CCDC171: variants seen among roughly 807,000 people sequenced by gnomAD.
CCDC171 encodes the protein coiled-coil domain-containing protein 171.
Under a neutral mutation model 168.2 loss-of-function variants are expected in CCDC171, and 177 were observed. The ratio of observed to expected loss-of-function variants is 1.05; its 90% CI spans 0.93 to 1.19. The LOEUF is 1.19. CCDC171 is among the 50% of genes most tolerant of loss of function. The pLI, the probability that CCDC171 is intolerant of heterozygous loss-of-function variation, is 0.00. For synonymous variants in CCDC171, 687 were observed against 540.8 expected, an observed-to-expected ratio of 1.27 and a Z score of -3.75; for missense variants, 1,991 against 1,539.0, an observed-to-expected ratio of 1.29 and a Z score of -4.91.
At chr9:15,654,604 A>T (rs1264073612) in intron 7 of CCDC171, among the ~76,000 whole-genome samples, 2 of 152,204 alleles carry the variant, frequency 1.3e-5, no homozygotes, top group African/African-American at 4.8e-5. Context: ...ACAAAAAGAA[A>T]TGGTGGGAGA....
intron 2 of CCDC171, among the ~76,000 whole-genome samples, chr9:15,565,086 CTTT>C (rs34584445): frequency 6.7e-4 from 80 of 119,850 alleles, no homozygotes; most frequent in East Asian, 2.1e-3. Context: ...CCACCCCCCA[CTTT>C]TTTTTTTTTT....
intron 3 of CCDC171, among the ~76,000 whole-genome samples, chr9:15,988,274 G>GT (rs149026175): frequency 0.023 from 3,439 of 152,194 alleles, 117 homozygotes; most frequent in African/African-American, 0.077. Flanking sequence ...ACTGTATTTT[G>GT]TTTTTTTAGA....
chr9:15,773,169 T>C (rs989571806), intron 18 of CCDC171, among the ~76,000 whole-genome samples: 2 of 152,174 alleles, frequency 1.3e-5, no homozygotes, highest in African/African-American at 2.4e-5. Flanking sequence ...TGCTCTCTCT[T>C]CCACATAATA....
the CCDC171 span, among the ~76,000 whole-genome samples, chr9:16,090,321 C>T: frequency 5.3e-5 from 8 of 151,752 alleles, no homozygotes; most frequent in East Asian, 1.6e-3. Flanking sequence ...AACACAGGAA[C>T]AGAAAAACAC....
chr9:15,700,274 G>A (rs960423532), intron 11 of CCDC171, among the ~76,000 whole-genome samples: 10 of 152,238 alleles, frequency 6.6e-5, no homozygotes, highest in Non-Finnish European at 1.3e-4. Flanking sequence ...CTCTGCAGCC[G>A]CTGGCCCGGG....
intron 5 of CCDC171, among the ~76,000 whole-genome samples, chr9:15,593,665 A>G (rs1019485302): frequency 4.6e-5 from 7 of 152,066 alleles, no homozygotes; most frequent in Non-Finnish European, 1.0e-4. Flanking sequence ...CTTTGTTTAT[A>G]TCTATCATAT....
chr9:16,050,146 CA>C (rs1833727496), intron 1 of CCDC171, among the ~76,000 whole-genome samples: 1 of 152,170 alleles, frequency 6.6e-6, no homozygotes, highest in South Asian at 2.1e-4. Context: ...CTTGGCCTCC[CA>C]AAGTGCTGGG....
Position 15,735,775 on chromosome 9 carries a change from G to A in CCDC171, c.2049+5977G>A, listed in dbSNP as rs371181248. 3.9e-5 allele frequency among the ~76,000 whole-genome samples: 6 copies of A among 152,156 alleles called. No individual in the cohort carries two copies. In the East Asian group the frequency reaches 7.7e-4, roughly 20 times the overall value. The stretch of plus-strand genomic sequence containing the variant: ...TAAGGTATACACGCCAGCCTGCAGC[G>A]ATTCAGAGAGTTAGTTACAATCACG... On this transcript the variant is annotated intron_variant, in intron 16 of 25. Transcript: ENST00000380701.
At chr9:15,923,049 A>G (rs966264967) in intron 25 of CCDC171, among the ~76,000 whole-genome samples, 9 of 151,538 alleles carry the variant, frequency 5.9e-5, no homozygotes, top group Admixed American at 2.0e-4. Flanking sequence ...TGCTGTGCAG[A>G]GCTTTTTAGT....
At chr9:15,935,367 G>A (rs1564024873) in intron 25 of CCDC171, among the ~76,000 whole-genome samples, 1 of 151,920 alleles carries the variant, frequency 6.6e-6, no homozygotes, top group Non-Finnish European at 1.5e-5. Flanking sequence ...ATCTCCCTGG[G>A]TCTTGGTTTT....
At chr9:16,095,899 T>TATATATATATAC in the CCDC171 span, among the ~76,000 whole-genome samples, 14 of 140,200 alleles carry the variant, frequency 1.0e-4, no homozygotes, top group African/African-American at 3.8e-4. Flanking sequence ...TATATATATA[T>TATATATATATAC]ACTGCCTCCA....
chr9:15,601,912 C>G (rs905650925), intron 6 of CCDC171, among the ~76,000 whole-genome samples: 3 of 152,184 alleles, frequency 2.0e-5, no homozygotes, highest in Non-Finnish European at 2.9e-5. Flanking sequence ...ATTTTGGTCT[C>G]ATTTCCAGAT....
At chr9:15,676,052 T>C (rs2049531576) in intron 9 of CCDC171, among the ~76,000 whole-genome samples, 1 of 152,208 alleles carries the variant, frequency 6.6e-6, no homozygotes, top group African/African-American at 2.4e-5. Flanking sequence ...CCCAGACTTC[T>C]TGGAGGCCTT....
chr9:16,021,699 G>T (rs1474272110), intron 4 of CCDC171, among the ~76,000 whole-genome samples: 1 of 152,138 alleles, frequency 6.6e-6, no homozygotes, highest in African/African-American at 2.4e-5. Context: ...CCCCAGAGTG[G>T]GTATTCAATA....
At chr9:15,613,029 A>C (rs1484615077) in intron 6 of CCDC171, among the ~76,000 whole-genome samples, 1 of 152,140 alleles carries the variant, frequency 6.6e-6, no homozygotes, top group East Asian at 1.9e-4. Flanking sequence ...TCTATATACA[A>C]ATTTTTGTGT....
chr9:15,718,426 T>C (rs1463075305), intron 11 of CCDC171, among the ~76,000 whole-genome samples: 2 of 152,206 alleles, frequency 1.3e-5, no homozygotes, highest in African/African-American at 4.8e-5. Flanking sequence ...AAGGACACAA[T>C]CCTGGCTGGC....
chr9:15,734,505 T>G (rs1011798113), intron 16 of CCDC171, among the ~76,000 whole-genome samples: 1 of 152,084 alleles, frequency 6.6e-6, no homozygotes, highest in South Asian at 2.1e-4. Flanking sequence ...GCCATTTCAC[T>G]CCAGCCTGGG....
chr9:15,933,086 C>G (rs931574630), intron 25 of CCDC171, among the ~76,000 whole-genome samples: 13 of 151,864 alleles, frequency 8.6e-5, no homozygotes, highest in Admixed American at 2.6e-4. Flanking sequence ...ATTTTGGAGT[C>G]AGGATAATGC....
At chr9:15,850,315 A>G (rs2061072531) in intron 23 of CCDC171, 1 of 151,996 alleles carries the variant, frequency 6.6e-6, no homozygotes, top group African/African-American at 2.4e-5. Context: ...ATGAAATGTA[A>G]GTGTTGTACC....
Sources: allele counts gnomAD v4.1 joint callset (sites outside exome capture counted in the v4.1 genomes callset), GRCh38; gene constraint gnomAD v4.1.1; transcripts MANE v1.5; gene names NCBI Gene and HGNC (gene_info 2026-07-23, HGNC 2026-07-21).